The following TRPC4 variants were observed in gnomAD, a reference collection of about 807,000 sequenced individuals.
TRPC4 encodes the protein short transient receptor potential channel 4.
Under a neutral mutation model 99.4 loss-of-function variants are expected in TRPC4, and 49 were observed. The observed-to-expected ratio is 0.49, with a 90% CI of 0.39 to 0.63. The LOEUF (loss-of-function observed/expected upper bound fraction) is 0.63. TRPC4 is among the 20% of genes least tolerant of loss of function. The pLI is 0.00. For synonymous variants in TRPC4, 454 were observed against 425.9 expected (o/e 1.07, Z -0.81); for missense variants, 898 against 1,152.9 (o/e 0.78, Z 3.20).
Position 37,746,104 on chromosome 13 carries a change from G to C in TRPC4, c.730C>G (p.Leu244Val). The stretch of plus-strand genomic sequence containing the variant: ...GCAAATTGTTTGCACTGCCGTGACA[G>C]CTCTTCATACTCCGACTTGAATTCA... ...ENEFKSEYEE[L>V]SRQCKQFAKD... The change falls in exon 3 of 11, where the codon CTG (leucine) becomes GTG (valine). Residue 244 changes from leucine to valine, a missense_variant. This residue lies in a region of TRPC4 where 278 missense variants were observed against 346.6 expected (regional missense o/e 0.80). Transcript: ENST00000379705. The C allele has an allele frequency of 6.2e-7, 1 of 1,613,900 alleles. No homozygotes were observed. Among genetic ancestry groups the C allele is most frequent in the South Asian group, 1.1e-5 (1 of 91,082 alleles).
intron 1 of TRPC4, among the ~76,000 whole-genome samples, chr13:37,836,473 A>T (rs1317695667): frequency 6.6e-6 from 1 of 152,110 alleles, no homozygotes; most frequent in Non-Finnish European, 1.5e-5. Flanking sequence ...ATCCAGGTTG[A>T]GGTGGTTTCA....
chr13:37,679,117 CT>C (rs1243372399), intron 4 of TRPC4, among the ~76,000 whole-genome samples: 1 of 152,022 alleles, frequency 6.6e-6, no homozygotes, highest in African/African-American at 2.4e-5. Context: ...AACTACTTTT[CT>C]GTAAAGGGCC....
intron 1 of TRPC4, among the ~76,000 whole-genome samples, chr13:37,832,838 C>T (rs931854696): frequency 1.3e-5 from 2 of 152,110 alleles, no homozygotes; most frequent in African/African-American, 4.8e-5. Context: ...ACCATGCTAA[C>T]TCTAGTCAAT....
chr13:37,835,934 C>T (rs1296130701), intron 1 of TRPC4, among the ~76,000 whole-genome samples: 1 of 152,128 alleles, frequency 6.6e-6, no homozygotes, highest in Non-Finnish European at 1.5e-5. Context: ...GCTCTGCCCC[C>T]ACACAAATCT....
At chr13:37,811,415 C>G (rs1430227728) in intron 1 of TRPC4, among the ~76,000 whole-genome samples, 1 of 152,218 alleles carries the variant, frequency 6.6e-6, no homozygotes, top group Non-Finnish European at 1.5e-5. Flanking sequence ...ACATGATTAT[C>G]CCAAATACTG....
chr13:37,814,907 C>G (rs186155772), intron 1 of TRPC4, among the ~76,000 whole-genome samples: 1 of 151,670 alleles, frequency 6.6e-6, no homozygotes, highest in Non-Finnish European at 1.5e-5. Context: ...ATTTGGAGGA[C>G]TTGCATTATC....
chr13:37,816,995 C>T (rs1465291666), intron 1 of TRPC4, among the ~76,000 whole-genome samples: 1 of 152,048 alleles, frequency 6.6e-6, no homozygotes, highest in African/African-American at 2.4e-5. Context: ...CACTCTTATT[C>T]AACACAGTAT....
rs552069907 is a variant in TRPC4, at chr13:37,827,016, A to G, written c.-28+42579T>C. ...TAAACTTCCCTTCTCACTTCATTTC[A>G]TTCGTTTCATCTTCCATTGCTGATA... On this transcript the variant is annotated intron_variant, in intron 1 of 10. Coordinates refer to ENST00000379705, the MANE Select transcript of TRPC4 (RefSeq NM_016179.4). Among the ~76,000 whole-genome samples the G allele has an allele frequency of 1.3e-4, 20 of 151,676 alleles. No homozygotes were observed. In the South Asian group the frequency reaches 4.2e-3, roughly 32 times the overall value.
chr13:37,726,816 A>G (rs1955078892), intron 3 of TRPC4, among the ~76,000 whole-genome samples: 1 of 152,118 alleles, frequency 6.6e-6, no homozygotes, highest in Admixed American at 6.6e-5. Flanking sequence ...TACTAATATC[A>G]GACAAAATAG....
chr13:37,750,851 A>G lies in TRPC4; in HGVS notation c.379-4396T>C, dbSNP rs546675450. Among the ~76,000 whole-genome samples, 195 of 151,568 alleles carry G rather than the reference A, an allele frequency of 1.3e-3. 1 individual carries two copies. Among genetic ancestry groups the G allele is most frequent in the African/African-American group, 4.2e-3 (175 of 41,310 alleles). ...GTGTGATGTACCCCTCCCTGTGTCC[A>G]CGTGTTCTCATTGTTCAACTCCCAC... On this transcript the variant is annotated intron_variant, in intron 2 of 10. Coordinates refer to ENST00000379705, the MANE Select transcript of TRPC4 (RefSeq NM_016179.4).
At chr13:37,769,700 C>A (rs1409117953) in intron 2 of TRPC4, among the ~76,000 whole-genome samples, 2 of 151,422 alleles carry the variant, frequency 1.3e-5, no homozygotes, top group African/African-American at 2.4e-5. Context: ...TATCTAGAAG[C>A]CTATCCTCAG....
chr13:37,860,677 G>A (rs1458177764), intron 1 of TRPC4, among the ~76,000 whole-genome samples: 1 of 151,234 alleles, frequency 6.6e-6, no homozygotes, highest in Non-Finnish European at 1.5e-5. Flanking sequence ...CATAAATATG[G>A]ATTTTCACCA....
chr13:37,700,804 T>C (rs1053738981), intron 3 of TRPC4, among the ~76,000 whole-genome samples: 5 of 152,188 alleles, frequency 3.3e-5, no homozygotes, highest in African/African-American at 1.2e-4. Context: ...TTAGGTCCTA[T>C]AAGCAGAATT....
chr13:37,808,117 C>G (rs910581470), intron 1 of TRPC4, among the ~76,000 whole-genome samples: 2 of 151,952 alleles, frequency 1.3e-5, no homozygotes, highest in African/African-American at 4.8e-5. Context: ...ATGAACATAA[C>G]TATGAAGGAA....
At chr13:37,706,494 T>C (rs117761449) in intron 3 of TRPC4, among the ~76,000 whole-genome samples, 5,940 of 152,214 alleles carry the variant, frequency 0.039, 157 homozygotes, top group Non-Finnish European at 0.055. Flanking sequence ...TTTATTATTA[T>C]ACTTTTAAGT....
intron 3 of TRPC4, among the ~76,000 whole-genome samples, chr13:37,704,207 A>C (rs1055180311): frequency 1.6e-4 from 24 of 152,070 alleles, no homozygotes; most frequent in Admixed American, 8.5e-4. Flanking sequence ...CCTACGGGGG[A>C]ATGGGGAGGG....
At chr13:37,842,579 G>A (rs537091915) in intron 1 of TRPC4, among the ~76,000 whole-genome samples, 4 of 152,134 alleles carry the variant, frequency 2.6e-5, no homozygotes, top group East Asian at 1.9e-4. Context: ...TTAAGGTAGC[G>A]GCAAGTCTGG....
At position 37,633,060 on chromosome 13, in the gene TRPC4, C is replaced by T; in HGVS notation, c.*3843G>A. 6.6e-6 allele frequency among the ~76,000 whole-genome samples: 1 copy of T among 152,050 alleles called. No individual in the cohort carries two copies. ...AGATAATTTCCATAAATTCCCTGGG[C>T]TTTACTTTCCCCAGTTATCTACAGT... On this transcript the variant is annotated 3_prime_UTR_variant, in exon 11 of 11. Coordinates refer to ENST00000379705, the MANE Select transcript of TRPC4 (RefSeq NM_016179.4).
chr13:37,657,141 A>C (rs1952266718), intron 6 of TRPC4, among the ~76,000 whole-genome samples: 1 of 152,238 alleles, frequency 6.6e-6, no homozygotes, highest in Admixed American at 6.5e-5. Context: ...TAAGACAGAA[A>C]ATTTAACTAT....
Sources: allele counts gnomAD v4.1 joint callset (sites outside exome capture counted in the v4.1 genomes callset), GRCh38; gene constraint gnomAD v4.1.1; regional missense constraint gnomAD v4.1.1; transcripts MANE v1.5; gene names NCBI Gene and HGNC (gene_info 2026-07-23, HGNC 2026-07-21).